The following NOS1 variants were observed in gnomAD, a reference collection of about 807,000 sequenced individuals.
The protein encoded by NOS1 is NOS type I.
In NOS1, 51 loss-of-function variants were observed where a neutral mutation model predicts 164.5. The ratio of observed to expected loss-of-function variants is 0.31; its 90% confidence interval spans 0.25 to 0.39. NOS1 has a LOEUF of 0.39. Among genes scored for constraint, NOS1 ranks in the 10% least tolerant of loss-of-function variants. The pLI is 1.00. For synonymous variants in NOS1, 719 were observed against 745.8 expected, an observed-to-expected ratio of 0.96 and a Z score of 0.59; for missense variants, 1,362 against 1,885.6, an observed-to-expected ratio of 0.72 and a Z score of 5.14.
Position 117,285,274 on chromosome 12 carries a change from T to G in NOS1, c.1349A>C (p.His450Pro), listed in dbSNP as rs780553575. 1 of 1,611,292 alleles carries G rather than the reference T, an allele frequency of 6.2e-7. No individual in the cohort carries two copies. Among genetic ancestry groups the G allele is most frequent in the East Asian group, 2.2e-5 (1 of 44,722 alleles). The part of the protein sequence containing the change: ...AHGMFNYICN[H>P]VKYATNKGNL... ...CCCTTTGTTGGTGGCATACTTGACA[T>G]GGTTACAGATGTAGTTGAACATCCC... Residue 450 changes from histidine to proline, a missense_variant, in exon 7 of 29, where the codon CAT becomes CCT. His to Pro is a moderately conservative substitution (Grantham distance 77). Coordinates refer to ENST00000317775, the MANE Select transcript of NOS1 (RefSeq NM_000620.5).
At chr12:117,282,381 C>T (rs1873748176) in intron 7 of NOS1, among the ~76,000 whole-genome samples, 2 of 152,186 alleles carry the variant, frequency 1.3e-5, no homozygotes, top group Non-Finnish European at 2.9e-5. Context: ...GGTCCAACTC[C>T]TTGCTTATAG....
intron 12 of NOS1, among the ~76,000 whole-genome samples, chr12:117,264,481 C>CCTTTCTTTCT (rs1022873380): frequency 6.8e-6 from 1 of 148,108 alleles, no homozygotes; most frequent in Non-Finnish European, 1.5e-5. Context: ...TTCTTTCTTT[C>CCTTTCTTTCT]CTTTCTTTCT....
chr12:117,246,806 C>T (rs1279100000), intron 18 of NOS1, among the ~76,000 whole-genome samples: 1 of 152,192 alleles, frequency 6.6e-6, no homozygotes, highest in Non-Finnish European at 1.5e-5. Context: ...TGTATCACCA[C>T]TTCATTCTTT....
chr12:117,340,986 A>G (rs1257058896), intron 1 of NOS1, among the ~76,000 whole-genome samples: 2 of 150,850 alleles, frequency 1.3e-5, no homozygotes, highest in African/African-American at 2.4e-5. Context: ...CGGCCTCCCA[A>G]AGTGCTGGGA....
chr12:117,333,064 C>T (rs1224174468), intron 1 of NOS1, among the ~76,000 whole-genome samples: 1 of 152,176 alleles, frequency 6.6e-6, no homozygotes, highest in Admixed American at 6.5e-5. Context: ...GTAGCATGTG[C>T]CCACGGGGCC....
intron 3 of NOS1, among the ~76,000 whole-genome samples, chr12:117,291,681 G>A (rs920616166): frequency 1.3e-5 from 2 of 151,814 alleles, no homozygotes; most frequent in African/African-American, 2.4e-5. Context: ...CTACAGGTGC[G>A]TGTCACCATG....
intron 4 of NOS1, among the ~76,000 whole-genome samples, chr12:117,289,061 G>C (rs924158900): frequency 1.3e-5 from 2 of 152,284 alleles, no homozygotes; most frequent in East Asian, 3.9e-4. Flanking sequence ...CTAAGTTTCA[G>C]GGCAATTTGT....
intron 3 of NOS1, among the ~76,000 whole-genome samples, chr12:117,306,089 G>C (rs1203758396): frequency 1.3e-5 from 2 of 152,024 alleles, no homozygotes; most frequent in Admixed American, 1.3e-4. Context: ...ACCTTGCCTG[G>C]CCTGGCCCGT....
At chr12:117,316,471 G>A (rs1050028209) in intron 2 of NOS1, among the ~76,000 whole-genome samples, 1 of 152,102 alleles carries the variant, frequency 6.6e-6, no homozygotes, top group Non-Finnish European at 1.5e-5. Flanking sequence ...CCTCTGCTGA[G>A]AGCCAACTCC....
intron 24 of NOS1, among the ~76,000 whole-genome samples, chr12:117,225,593 G>GC (rs1868600033): frequency 6.6e-6 from 1 of 151,990 alleles, no homozygotes; most frequent in African/African-American, 2.4e-5. Flanking sequence ...GTGGGGTGCT[G>GC]CAAAAATCAC....
Position 117,209,695 on chromosome 12 carries a change from C to T in NOS1, c.*5614G>A, listed in dbSNP as rs895207281. 7.4e-5 allele frequency: 73 copies of T among 985,386 alleles called. No homozygotes were observed. Among genetic ancestry groups the T allele is most frequent in the Non-Finnish European group, 8.4e-5 (70 of 829,964 alleles). 61.0% of individuals were successfully genotyped at this position (985,386 alleles called of 1,614,324 possible). On this transcript the variant is annotated 3_prime_UTR_variant, in exon 29 of 29. Transcript: ENST00000317775. ...GGCTTTGATAAGTATTAATAGGAAA[C>T]AGACTCTCGACAGACACTGCTTTCC... is the stretch of plus-strand genomic sequence containing the variant.
chr12:117,218,242 C>T lies in NOS1; in HGVS notation c.4171-78G>A, dbSNP rs183561694. 1,885 of 1,008,450 alleles carry T rather than the reference C, an allele frequency of 1.9e-3. 1 individual carries two copies. Among genetic ancestry groups the T allele is most frequent in the Non-Finnish European group, 2.6e-3 (1,629 of 631,164 alleles). 62.5% of individuals were successfully genotyped at this position (1,008,450 alleles called of 1,614,324 possible). On this transcript the variant is annotated intron_variant, in intron 27 of 28. Coordinates refer to ENST00000317775, the MANE Select transcript of NOS1 (RefSeq NM_000620.5). ...GGAGCAGGGGCAGACTTGCCTGACA[C>T]CTGGAATGGAATATCCCTAAGGAAG...
chr12:117,234,834 C>A lies in NOS1; in HGVS notation c.3042-76G>T. The A allele has an allele frequency of 7.7e-7, 1 of 1,303,976 alleles. No homozygotes were observed. Among genetic ancestry groups the A allele is most frequent in the Non-Finnish European group, 1.1e-6 (1 of 950,322 alleles). The allele number at this position is 1,303,976 out of a possible 1,614,324, so 80.8% of individuals were successfully genotyped here. ...TCCTTTTTTTGCTCTTCTGTCTGTC[C>A]TTGTTGGCTGCAATTCTCCTCCTTC... is the stretch of plus-strand genomic sequence containing the variant. On this transcript the variant is annotated intron_variant, in intron 20 of 28. Coordinates refer to ENST00000317775, the MANE Select transcript of NOS1 (RefSeq NM_000620.5). The surrounding 1 kb of genome is among the most constrained non-coding windows in gnomAD (Gnocchi z 4.3).
At chr12:117,237,409 G>A (rs1426355302) in intron 20 of NOS1, among the ~76,000 whole-genome samples, 1 of 152,076 alleles carries the variant, frequency 6.6e-6, no homozygotes, top group Non-Finnish European at 1.5e-5. Context: ...AGGATTACAG[G>A]TGTGAGCCAC....
intron 5 of NOS1, among the ~76,000 whole-genome samples, chr12:117,287,810 C>T (rs974358873): frequency 9.2e-5 from 14 of 152,172 alleles, no homozygotes; most frequent in Non-Finnish European, 1.6e-4. Flanking sequence ...ACTGATGGTT[C>T]CTTGTGAACA....
intron 15 of NOS1, 148 bp from the exon 16 acceptor site, chr12:117,258,603 A>G (rs1871647599): frequency 2.6e-6 from 2 of 771,090 alleles, no homozygotes; most frequent in Non-Finnish European, 4.5e-6. Flanking sequence ...CTCAGGCTGG[A>G]CAGTAATGCC....
At chr12:117,217,894 G>T in intron 28 of NOS1, 152 bp downstream of exon 28, 3 of 685,164 alleles carry the variant, frequency 4.4e-6, no homozygotes, top group East Asian at 2.5e-5. Flanking sequence ...GGTCTGGGGT[G>T]GTCTGGGAAT....
intron 3 of NOS1, among the ~76,000 whole-genome samples, chr12:117,306,521 C>T (rs1444479180): frequency 6.6e-6 from 1 of 152,096 alleles, no homozygotes; most frequent in Non-Finnish European, 1.5e-5. Flanking sequence ...GATGTCAAAA[C>T]TCAGCAAGTG....
intron 13 of NOS1, among the ~76,000 whole-genome samples, chr12:117,261,041 C>T (rs1160429903): frequency 1.3e-5 from 2 of 151,726 alleles, no homozygotes; most frequent in South Asian, 2.1e-4. Context: ...TGGCAGCGTG[C>T]GCCTGTAGTC....
Sources: allele counts gnomAD v4.1 joint callset (sites outside exome capture counted in the v4.1 genomes callset), GRCh38; gene constraint gnomAD v4.1.1; non-coding constraint Gnocchi (gnomAD v3.1); transcripts MANE v1.5; gene names NCBI Gene and HGNC (gene_info 2026-07-23, HGNC 2026-07-21).